Variants in PKIG observed in about 807,000 individuals in gnomAD.
The protein encoded by PKIG is protein kinase (cAMP-dependent, catalytic) inhibitor gamma.
Under a neutral mutation model 6.8 loss-of-function variants are expected in PKIG, and 1 was observed. That is an observed-to-expected ratio of 0.15 (90% CI 0.05 to 0.69). The LOEUF (loss-of-function observed/expected upper bound fraction) is 0.69. PKIG is among the 30% of genes least tolerant of loss of function. The probability of loss-of-function intolerance (pLI) is 0.82; values close to 1 mark genes in which losing one functional copy is unlikely to be tolerated. For missense variants in PKIG, 77 were observed against 104.0 expected, an observed-to-expected ratio of 0.74 and a Z score of 1.13; for synonymous variants, 39 against 43.0, an observed-to-expected ratio of 0.91 and a Z score of 0.36.
At chr20:44,536,569 A>AT (rs1421256141) in intron 1 of PKIG, among the ~76,000 whole-genome samples, 5 of 152,156 alleles carry the variant, frequency 3.3e-5, no homozygotes, top group Admixed American at 3.3e-4. Context: ...CTCTGGTGGG[A>AT]AGGGGCATCA....
At chr20:44,584,570 T>C (rs557015841) in intron 1 of PKIG, among the ~76,000 whole-genome samples, 1 of 152,108 alleles carries the variant, frequency 6.6e-6, no homozygotes, top group East Asian at 1.9e-4. Flanking sequence ...AATTAAGGTT[T>C]TTGCTTTGTT....
In PKIG at chr20:44,589,094, T is replaced by C. The variant is rs77974696; in HGVS notation, c.-93-703T>C. 5.2e-3 allele frequency among the ~76,000 whole-genome samples: 796 copies of C among 152,340 alleles called. 8 individuals are homozygous for C. Among genetic ancestry groups the C allele is most frequent in the African/African-American group, 0.018 (760 of 41,574 alleles). ...CTTTTCTATATATACTGAAAATTGT[T>C]TAAAGTGTAAAGTATGTATACTTTT... is the stretch of plus-strand genomic sequence containing the variant. On this transcript the variant is annotated intron_variant, in intron 1 of 3. Transcript: ENST00000372886.
intron 1 of PKIG, among the ~76,000 whole-genome samples, chr20:44,589,293 C>T (rs145470337): frequency 1.2e-4 from 19 of 152,120 alleles, no homozygotes; most frequent in Middle Eastern, 3.4e-3. Flanking sequence ...GCTATGATTG[C>T]ACCAGTACAC....
At chr20:44,561,131 T>C (rs2064763272) in intron 1 of PKIG, among the ~76,000 whole-genome samples, 1 of 152,138 alleles carries the variant, frequency 6.6e-6, no homozygotes, top group Admixed American at 6.5e-5. Context: ...AGGTCAGGAA[T>C]TCAAGACCAG....
intron 1 of PKIG, among the ~76,000 whole-genome samples, chr20:44,588,343 A>G (rs1012784444): frequency 6.6e-6 from 1 of 152,142 alleles, no homozygotes; most frequent in African/African-American, 2.4e-5. Context: ...AAAAGGTGGT[A>G]TTCAAACTGA....
chr20:44,586,976 C>T (rs1443329993), intron 1 of PKIG, among the ~76,000 whole-genome samples: 2 of 152,180 alleles, frequency 1.3e-5, no homozygotes, highest in Admixed American at 6.5e-5. Context: ...TGAATAATGG[C>T]CCTTCATGGC....
chr20:44,533,160 T>C (rs1316989074), intron 1 of PKIG, among the ~76,000 whole-genome samples: 1 of 152,108 alleles, frequency 6.6e-6, no homozygotes, highest in Non-Finnish European at 1.5e-5. Flanking sequence ...TCATTTGTGG[T>C]GATTCATATA....
At chr20:44,584,658 A>G (rs1043528853) in intron 1 of PKIG, among the ~76,000 whole-genome samples, 3 of 151,404 alleles carry the variant, frequency 2.0e-5, no homozygotes, top group African/African-American at 7.3e-5. Flanking sequence ...TGTGGTATTT[A>G]GAAACTATTT....
At chr20:44,532,560 A>C (rs2123106572) in intron 1 of PKIG, among the ~76,000 whole-genome samples, 1 of 152,304 alleles carries the variant, frequency 6.6e-6, no homozygotes, top group African/African-American at 2.4e-5. Context: ...TCGTGTCCTG[A>C]GGGAACTCCA....
chr20:44,592,336 G>A (rs532299344), intron 2 of PKIG, among the ~76,000 whole-genome samples: 2 of 152,238 alleles, frequency 1.3e-5, no homozygotes, highest in East Asian at 3.9e-4. Context: ...ACAGTGCAGA[G>A]GACACAGAGG....
At chr20:44,610,944 G>A (rs1445539652) in intron 2 of PKIG, among the ~76,000 whole-genome samples, 1 of 151,392 alleles carries the variant, frequency 6.6e-6, no homozygotes, top group Non-Finnish European at 1.5e-5. Context: ...CATATATGTT[G>A]TATAATAATC....
At chr20:44,545,829 A>G (rs918399696) in intron 1 of PKIG, among the ~76,000 whole-genome samples, 3 of 152,148 alleles carry the variant, frequency 2.0e-5, no homozygotes, top group Non-Finnish European at 2.9e-5. Flanking sequence ...CAAAACATAT[A>G]TATACATATA....
chr20:44,535,797 A>T (rs1339305815), intron 1 of PKIG, among the ~76,000 whole-genome samples: 3 of 152,244 alleles, frequency 2.0e-5, no homozygotes, highest in African/African-American at 7.2e-5. Context: ...AGTTCTTTTT[A>T]AAAATGTTAA....
intron 1 of PKIG, among the ~76,000 whole-genome samples, chr20:44,574,394 A>G (rs1356130635): frequency 1.3e-5 from 2 of 152,102 alleles, no homozygotes; most frequent in Non-Finnish European, 2.9e-5. Flanking sequence ...ACAAAACTAG[A>G]AAGAATAGTA....
At chr20:44,576,369 A>G (rs1303288626) in intron 1 of PKIG, among the ~76,000 whole-genome samples, 1 of 152,150 alleles carries the variant, frequency 6.6e-6, no homozygotes, top group Non-Finnish European at 1.5e-5. Context: ...GGTTATAAGA[A>G]GAGACATAGG....
intron 1 of PKIG, among the ~76,000 whole-genome samples, chr20:44,568,089 C>T (rs1340888969): frequency 6.6e-6 from 1 of 152,096 alleles, no homozygotes; most frequent in Non-Finnish European, 1.5e-5. Flanking sequence ...GAGGCTGCAC[C>T]ATGATCATGC....
chr20:44,609,749 T>A (rs2065197233), intron 2 of PKIG, among the ~76,000 whole-genome samples: 1 of 152,106 alleles, frequency 6.6e-6, no homozygotes, highest in South Asian at 2.1e-4. Flanking sequence ...ACTCGGAGGC[T>A]CCGGGAGCCA....
In PKIG at chr20:44,616,450, T is replaced by G. The variant is rs192274094; in HGVS notation, c.151+1743T>G. Among the ~76,000 whole-genome samples, 23 of 152,282 alleles carry G rather than the reference T, an allele frequency of 1.5e-4. No homozygotes were observed. In the East Asian group the frequency reaches 2.5e-3, roughly 17 times the overall value. On this transcript the variant is annotated intron_variant, in intron 3 of 3. Coordinates refer to ENST00000372886, the MANE Select transcript of PKIG (RefSeq NM_001281445.2). ...CCACACTGGGCACGCTGCCCTGGGC[T>G]CTCTCTCAAGGCTTCTGTGTCCTCA...
intron 1 of PKIG, among the ~76,000 whole-genome samples, chr20:44,546,538 A>G (rs79934625): frequency 0.036 from 5,151 of 143,316 alleles, 126 homozygotes; most frequent in Non-Finnish European, 0.052. Flanking sequence ...CTTCTCTAGT[A>G]TATTTTTTGT....
Sources: allele counts gnomAD v4.1 joint callset (sites outside exome capture counted in the v4.1 genomes callset), GRCh38; gene constraint gnomAD v4.1.1; transcripts MANE v1.5; gene names NCBI Gene and HGNC (gene_info 2026-07-23, HGNC 2026-07-21).